ALCAM: variants seen among roughly 807,000 people sequenced by gnomAD.
ALCAM encodes activated leukocyte cell adhesion molecule.
Under a neutral mutation model 70.9 loss-of-function variants are expected in ALCAM, and 30 were observed. The ratio of observed to expected loss-of-function variants is 0.42; its 90% CI spans 0.32 to 0.57. ALCAM has a LOEUF of 0.57. Among genes scored for constraint, ALCAM ranks in the 20% least tolerant of loss-of-function variants. ALCAM has a pLI of 0.11. For synonymous variants in ALCAM, 249 were observed against 242.5 expected (o/e 1.03, Z -0.25); for missense variants, 591 against 695.1 (o/e 0.85, Z 1.68).
chr3:105,443,595 C>T (rs1015856459), intron 1 of ALCAM, among the ~76,000 whole-genome samples: 5 of 152,050 alleles, frequency 3.3e-5, no homozygotes, highest in African/African-American at 1.2e-4. Context: ...AAATATATAT[C>T]TAATTTAAAA....
chr3:105,461,762 C>G (rs1398198164), intron 1 of ALCAM, among the ~76,000 whole-genome samples: 10 of 151,828 alleles, frequency 6.6e-5, no homozygotes, highest in South Asian at 2.1e-4. Flanking sequence ...GTTCTACCAC[C>G]TCCTATTTGA....
intron 1 of ALCAM, among the ~76,000 whole-genome samples, chr3:105,419,200 A>G (rs180756267): frequency 2.0e-5 from 3 of 151,762 alleles, no homozygotes; most frequent in South Asian, 4.1e-4. Flanking sequence ...GGTTCTCTTC[A>G]TCTACTTCCT....
Position 105,534,779 on chromosome 3 carries a change from G to C in ALCAM, c.664G>C (p.Val222Leu). The C allele has an allele frequency of 6.2e-7, 1 of 1,613,724 alleles. No individual in the cohort carries two copies. The highest frequency in any genetic ancestry group is 8.5e-7 in the Non-Finnish European group (1 of 1,179,768). Residue 222 changes from valine (V) to leucine (L), a missense_variant, in exon 6 of 16, where the codon GTG becomes CTG. Val to Leu is a conservative substitution (Grantham distance 32). Transcript: ENST00000306107. ...CATACAAATGCCATTCACCTGCTCG[G>C]TGACATATTATGGACCATCTGGCCA... The part of the protein sequence containing the change: ...ADIQMPFTCS[V>L]TYYGPSGQKT...
At chr3:105,468,874 T>C (rs1937830575) in intron 1 of ALCAM, among the ~76,000 whole-genome samples, 1 of 151,342 alleles carries the variant, frequency 6.6e-6, no homozygotes, top group African/African-American at 2.4e-5. Context: ...ATTTTTATTT[T>C]TCTGATTTCA....
chr3:105,532,853 T>C (rs138126832), intron 4 of ALCAM, among the ~76,000 whole-genome samples: 66 of 152,164 alleles, frequency 4.3e-4, no homozygotes, highest in Non-Finnish European at 7.6e-4. Context: ...AATAGGGAGT[T>C]TGGACTTTAT....
At chr3:105,492,719 A>G (rs1364267008) in intron 1 of ALCAM, among the ~76,000 whole-genome samples, 1 of 152,224 alleles carries the variant, frequency 6.6e-6, no homozygotes, top group African/African-American at 2.4e-5. Flanking sequence ...ATAAATTAGA[A>G]ATGAAAAATG....
chr3:105,568,407 A>G (rs1442652413), intron 14 of ALCAM, among the ~76,000 whole-genome samples: 2 of 152,146 alleles, frequency 1.3e-5, no homozygotes, highest in East Asian at 3.9e-4. Context: ...TAGTTCTGAC[A>G]CATAGTCTTT....
At chr3:105,439,258 T>C (rs1937119237) in intron 1 of ALCAM, 1 of 152,190 alleles carries the variant, frequency 6.6e-6, no homozygotes, top group South Asian at 2.1e-4. Context: ...AAATTCTATT[T>C]AATTGTTTAA....
chr3:105,423,739 GA>G (rs1470672718), intron 1 of ALCAM, among the ~76,000 whole-genome samples: 2 of 151,360 alleles, frequency 1.3e-5, no homozygotes, highest in Non-Finnish European at 3.0e-5. Flanking sequence ...ATAACATAAG[GA>G]ACTCAGTATT....
intron 1 of ALCAM, among the ~76,000 whole-genome samples, chr3:105,502,319 T>C (rs912414958): frequency 5.3e-5 from 8 of 152,240 alleles, no homozygotes; most frequent in African/African-American, 1.9e-4. Flanking sequence ...AGATATTTTA[T>C]GTAGAATTTT....
intron 3 of ALCAM, among the ~76,000 whole-genome samples, chr3:105,525,900 T>G (rs1939694035): frequency 3.9e-5 from 6 of 152,240 alleles, no homozygotes; most frequent in Admixed American, 3.9e-4. Context: ...CAGTCATGCC[T>G]GTTTCCATAA....
chr3:105,573,378 G>A (rs115576590), intron 15 of ALCAM, among the ~76,000 whole-genome samples: 13,730 of 152,066 alleles, frequency 0.09, 666 homozygotes, highest in South Asian at 0.17. Flanking sequence ...TTTAATAAAA[G>A]CGTGAGTGTA....
intron 1 of ALCAM, among the ~76,000 whole-genome samples, chr3:105,410,565 T>C (rs1936361702): frequency 6.6e-6 from 1 of 152,014 alleles, no homozygotes; most frequent in African/African-American, 2.4e-5. Context: ...TGTCTGTATC[T>C]CCGGGGATAT....
chr3:105,546,087 G>A (rs1044294224), intron 9 of ALCAM, among the ~76,000 whole-genome samples: 1 of 151,330 alleles, frequency 6.6e-6, no homozygotes, highest in Admixed American at 6.6e-5. Flanking sequence ...TTGAGACAAG[G>A]TTATCACCAA....
chr3:105,496,623 T>A (rs1183260845), intron 1 of ALCAM, among the ~76,000 whole-genome samples: 1 of 152,126 alleles, frequency 6.6e-6, no homozygotes, highest in African/African-American at 2.4e-5. Context: ...GCATGCCCCC[T>A]CTCATTCACT....
intron 1 of ALCAM, among the ~76,000 whole-genome samples, chr3:105,380,387 A>T (rs530973915): frequency 6.6e-6 from 1 of 151,998 alleles, no homozygotes; most frequent in South Asian, 2.1e-4. Context: ...ATCTCCTAAG[A>T]TGTTTCTACA....
At chr3:105,483,966 A>C (rs907701218) in intron 1 of ALCAM, among the ~76,000 whole-genome samples, 1 of 152,138 alleles carries the variant, frequency 6.6e-6, no homozygotes, top group Admixed American at 6.6e-5. Context: ...GTTCTTAGAC[A>C]AGTCTTTTAT....
At chr3:105,408,391 A>G (rs1936302913) in intron 1 of ALCAM, among the ~76,000 whole-genome samples, 2 of 152,160 alleles carry the variant, frequency 1.3e-5, no homozygotes, top group Non-Finnish European at 1.5e-5. Context: ...ACCCAGAAAT[A>G]AACCCAAATA....
rs371878320 is a variant in ALCAM, at chr3:105,568,702, T to G, written c.1665-3150T>G. On this transcript the variant is annotated intron_variant, in intron 14 of 15. Transcript: ENST00000306107. ...CTTCCTTGATTTCCAGCTTTTGGTC[T>G]ACTTAGACCATGCCTCCCAAGCTGA... 7.6e-4 allele frequency among the ~76,000 whole-genome samples: 116 copies of G among 152,346 alleles called. 1 individual carries two copies. In the South Asian group the frequency reaches 0.023, roughly 31 times the overall value.
Sources: allele counts gnomAD v4.1 joint callset (sites outside exome capture counted in the v4.1 genomes callset), GRCh38; gene constraint gnomAD v4.1.1; transcripts MANE v1.5; gene names NCBI Gene and HGNC (gene_info 2026-07-23, HGNC 2026-07-21).